CYB5R4: variants seen among roughly 807,000 people sequenced by gnomAD.
CYB5R4 encodes N-terminal cytochrome b5 and cytochrome b5 oxidoreductase domain-containing protein.
Under a neutral mutation model 70.2 loss-of-function variants are expected in CYB5R4, and 55 were observed. That is an observed-to-expected ratio of 0.78 (90% CI 0.63 to 0.98). The LOEUF (loss-of-function observed/expected upper bound fraction) is 0.98, where lower values mean the gene tolerates loss of function less well. Ranked by LOEUF, CYB5R4 falls within the 50% of genes least tolerant of loss-of-function variation. CYB5R4 has a pLI of 0.00. For missense variants in CYB5R4, 562 were observed against 612.6 expected (o/e 0.92, Z 0.87); for synonymous variants, 197 against 199.5 (o/e 0.99, Z 0.11).
intron 10 of CYB5R4, among the ~76,000 whole-genome samples, chr6:83,926,618 C>T (rs781596103): frequency 5.3e-5 from 8 of 152,176 alleles, no homozygotes; most frequent in Admixed American, 1.3e-4. Context: ...TTCCAAATGT[C>T]GTCACATTCT....
chr6:83,934,973 C>T (rs929574514), intron 11 of CYB5R4, among the ~76,000 whole-genome samples: 1 of 152,054 alleles, frequency 6.6e-6, no homozygotes, highest in African/African-American at 2.4e-5. Flanking sequence ...CAGATGATTC[C>T]ACCAGCATTG....
chr6:83,938,497 C>T (rs1021911902), intron 12 of CYB5R4, among the ~76,000 whole-genome samples: 2 of 152,216 alleles, frequency 1.3e-5, no homozygotes, highest in Non-Finnish European at 2.9e-5. Flanking sequence ...CATGATTTTA[C>T]ATGATTAATT....
chr6:83,885,081 A>G (rs2099460051), intron 2 of CYB5R4, among the ~76,000 whole-genome samples: 1 of 152,200 alleles, frequency 6.6e-6, no homozygotes, highest in East Asian at 1.9e-4. Flanking sequence ...TGTAAAGAAT[A>G]TTTTTAAAAT....
At chr6:83,949,870 G>A (rs1226074860) in intron 14 of CYB5R4, among the ~76,000 whole-genome samples, 1 of 152,156 alleles carries the variant, frequency 6.6e-6, no homozygotes, top group Non-Finnish European at 1.5e-5. Context: ...CTACACCACA[G>A]AATCATTTGG....
intron 10 of CYB5R4, among the ~76,000 whole-genome samples, chr6:83,929,729 A>G (rs1242088346): frequency 1.3e-5 from 2 of 152,308 alleles, no homozygotes; most frequent in Non-Finnish European, 2.9e-5. Context: ...TGCTATTTCT[A>G]TACCCAAGGT....
chr6:83,917,712 AG>A (rs1163418644), intron 5 of CYB5R4, among the ~76,000 whole-genome samples: 1 of 152,156 alleles, frequency 6.6e-6, no homozygotes, highest in Admixed American at 6.5e-5. Context: ...ACTTATATAA[AG>A]TTCAAACACA....
At chr6:83,940,494 A>T in intron 13 of CYB5R4, 21 bp from the exon 14 acceptor site, 1 of 1,458,280 alleles carries the variant, frequency 6.9e-7, no homozygotes, top group Non-Finnish European at 9.2e-7. Context: ...GTTATTTCTG[A>T]GTTTTTTTTT....
intron 15 of CYB5R4, among the ~76,000 whole-genome samples, chr6:83,958,637 A>G (rs1287546518): frequency 6.6e-6 from 1 of 152,108 alleles, no homozygotes; most frequent in African/African-American, 2.4e-5. Flanking sequence ...AGATACTGAG[A>G]GGCTTTACTG....
At chr6:83,922,548 G>GA (rs1297858795) in intron 9 of CYB5R4, 78 bp downstream of exon 9, 7 of 958,302 alleles carry the variant, frequency 7.3e-6, no homozygotes, top group Non-Finnish European at 1.1e-5. Context: ...CGAAAAAATT[G>GA]AAAAATTAGC....
At chr6:83,953,754 A>G (rs1300241730) in intron 14 of CYB5R4, among the ~76,000 whole-genome samples, 1 of 152,156 alleles carries the variant, frequency 6.6e-6, no homozygotes, top group Admixed American at 6.6e-5. Flanking sequence ...GAAGGAGGCA[A>G]GTTGCTGAAG....
intron 10 of CYB5R4, among the ~76,000 whole-genome samples, chr6:83,931,362 C>G (rs905858644): frequency 6.6e-6 from 1 of 152,172 alleles, no homozygotes; most frequent in African/African-American, 2.4e-5. Context: ...TTCAAAAGTG[C>G]AAGAAGGAGA....
intron 2 of CYB5R4, among the ~76,000 whole-genome samples, chr6:83,884,392 T>C (rs1230820340): frequency 7.2e-5 from 11 of 152,046 alleles, no homozygotes; most frequent in Non-Finnish European, 8.8e-5. Context: ...ACTATATTAG[T>C]ATCTGATAAA....
At position 83,883,393 on chromosome 6, in the gene CYB5R4, A is replaced by G. The variant is rs943674626; in HGVS notation, c.230-10129A>G. Among the ~76,000 whole-genome samples the G allele has an allele frequency of 5.3e-5, 8 of 152,212 alleles. 1 individual carries two copies. Among genetic ancestry groups the G allele is most frequent in the Non-Finnish European group, 7.3e-5 (5 of 68,032 alleles). ...ATTCAGAGGCTTAGCAAATCTAAACATAATTAATACAAAGAAAATAACATC... is the reference window on the plus strand; with the variant it reads ...ATTCAGAGGCTTAGCAAATCTAAACGTAATTAATACAAAGAAAATAACATC... On this transcript the variant is annotated intron_variant, in intron 2 of 15. Transcript: ENST00000369681.
In CYB5R4 at chr6:83,940,497, T is replaced by G. The variant is rs1350222365; in HGVS notation, c.1260-18T>G. 19 of 1,543,050 alleles carry G rather than the reference T, an allele frequency of 1.2e-5. No individual in the cohort carries two copies. The highest frequency in any genetic ancestry group is 1.5e-5 in the Non-Finnish European group (17 of 1,148,288). On this transcript the variant is annotated intron_variant, in intron 13 of 15. Transcript: ENST00000369681. Reference sequence around the variant, plus strand: ...TGTAATTAATTAGTTATTTCTGAGTTTTTTTTTTTCTCTTAAGGAAAGTGA... The same window carrying G: ...TGTAATTAATTAGTTATTTCTGAGTGTTTTTTTTTCTCTTAAGGAAAGTGA...
At chr6:83,863,852 C>T (rs2099456349) in intron 1 of CYB5R4, among the ~76,000 whole-genome samples, 1 of 152,068 alleles carries the variant, frequency 6.6e-6, no homozygotes, top group Non-Finnish European at 1.5e-5. Context: ...TGAGAATGTT[C>T]ATAGGTTATA....
At chr6:83,955,080 A>G (rs2099472133) in intron 14 of CYB5R4, among the ~76,000 whole-genome samples, 1 of 152,134 alleles carries the variant, frequency 6.6e-6, no homozygotes. Context: ...GCCAAATTAC[A>G]TTCCTTATCT....
chr6:83,868,145 A>G (rs1159993150), intron 2 of CYB5R4, among the ~76,000 whole-genome samples: 1 of 151,940 alleles, frequency 6.6e-6, no homozygotes, highest in Non-Finnish European at 1.5e-5. Context: ...AAACTGTGCC[A>G]CAGGGAAGCA....
At chr6:83,895,603 T>G (rs2099461759) in intron 3 of CYB5R4, among the ~76,000 whole-genome samples, 1 of 152,170 alleles carries the variant, frequency 6.6e-6, no homozygotes. Context: ...AAGAAGAATT[T>G]CCAATAAAGT....
At position 83,965,875 on chromosome 6, in the gene CYB5R4, C is replaced by T. The variant is rs9449731; in HGVS notation, c.*5997C>T. 26,345 of 152,236 alleles carry T rather than the reference C, an allele frequency of 0.17. 5,629 individuals are homozygous for T. The highest frequency in any genetic ancestry group is 0.51 in the African/African-American group (21,186 of 41,446). The allele number at this position is 152,236 out of a possible 1,614,324, so 9.4% of individuals were successfully genotyped here. A position where few individuals can be genotyped will look rare whatever the true frequency, so the allele number is the denominator to read the frequency against. On this transcript the variant is annotated 3_prime_UTR_variant, in exon 16 of 16. Coordinates refer to ENST00000369681, the MANE Select transcript of CYB5R4 (RefSeq NM_016230.4). ...TAAGTCTCATGAGATCTGATGGTTT[C>T]ATCAGGGGGTTCCGCTTTTGCATCT...
Sources: gnomAD v4.1 joint callset for allele counts (sites outside exome capture counted in the v4.1 genomes callset) on GRCh38, gnomAD v4.1.1 for gene constraint, MANE v1.5 for transcripts, NCBI Gene and HGNC (gene_info 2026-07-23, HGNC 2026-07-21) for gene names.